KLHL1: variants seen among roughly 807,000 people sequenced by gnomAD.
The protein encoded by KLHL1 is kelch like family member 1.
A neutral mutation model predicts 77.7 loss-of-function variants in KLHL1; 47 were observed. The observed-to-expected ratio is 0.60, with a 90% CI of 0.48 to 0.77. The LOEUF is 0.77. KLHL1 is among the 30% of genes least tolerant of loss of function. The pLI is 0.00. For synonymous variants in KLHL1, 360 were observed against 325.2 expected (o/e 1.11, Z -1.15); for missense variants, 925 against 910.8 (o/e 1.02, Z -0.20).
chr13:69,882,397 A>C lies in KLHL1; in HGVS notation c.1113T>G (p.Asp371Glu), dbSNP rs1188889180. 6.2e-7 allele frequency: 1 copy of C among 1,613,498 alleles called. No individual in the cohort carries two copies. The highest frequency in any genetic ancestry group is 1.3e-5 in the African/African-American group (1 of 74,922). ...LLASDDVNVP[D>E]EETIFHALMM... Reference sequence around the variant, plus strand: ...TCAATGCATGGAAGATGGTTTCTTCATCAGGAACATTGACATCATCACTGG... The same window carrying C: ...TCAATGCATGGAAGATGGTTTCTTCCTCAGGAACATTGACATCATCACTGG... The change falls in exon 5 of 11, where the codon GAT (aspartate) becomes GAG (glutamate). Residue 371 changes from aspartate to glutamate, a missense_variant. Coordinates refer to ENST00000377844, the MANE Select transcript of KLHL1 (RefSeq NM_020866.3).
intron 6 of KLHL1, among the ~76,000 whole-genome samples, chr13:69,814,249 A>G (rs1024938816): frequency 6.6e-6 from 1 of 152,224 alleles, no homozygotes; most frequent in East Asian, 1.9e-4. Flanking sequence ...TTAACTCAAG[A>G]TGGACTAAAA....
intron 3 of KLHL1, among the ~76,000 whole-genome samples, chr13:69,950,204 G>T (rs60660711): frequency 6.6e-6 from 1 of 151,410 alleles, no homozygotes; most frequent in African/African-American, 2.4e-5. Flanking sequence ...GTCATTATTC[G>T]TTCTATTTCT....
chr13:69,796,858 T>C lies in KLHL1; in HGVS notation c.1519A>G (p.Lys507Glu). ...TCTCGACCTCCAATTACAAAGAGTT[T>C]GTCATCAATAACAGCCACACCAAAC... ...LQFGVAVIDD[K>E]LFVIGGRDGL... The change falls in exon 7 of 11, where the codon AAA becomes GAA. Residue 507 changes from lysine (K) to glutamate (E), a missense_variant. Coordinates refer to ENST00000377844, the MANE Select transcript of KLHL1 (RefSeq NM_020866.3). The C allele has an allele frequency of 6.2e-7, 1 of 1,614,164 alleles. No individual in the cohort carries two copies. Among genetic ancestry groups the C allele is most frequent in the Non-Finnish European group, 8.5e-7 (1 of 1,180,014 alleles).
Position 69,979,183 on chromosome 13 carries a change from T to A in KLHL1, c.498-3381A>T, listed in dbSNP as rs1010234994. Among the ~76,000 whole-genome samples, 271 of 146,936 alleles carry A rather than the reference T, an allele frequency of 1.8e-3. 1 individual carries two copies. Among genetic ancestry groups the A allele is most frequent in the African/African-American group, 6.7e-3 (262 of 38,996 alleles). ...ATAAGAGGCTCAAAAAAAAAATAAA[T>A]AAGTTCCAGTTCTCTCCTAGATTTT... On this transcript the variant is annotated intron_variant, in intron 1 of 10. Transcript: ENST00000377844.
chr13:69,748,578 G>A (rs189927023), intron 7 of KLHL1, among the ~76,000 whole-genome samples: 73 of 151,996 alleles, frequency 4.8e-4, no homozygotes, highest in Non-Finnish European at 7.8e-4. Context: ...AGATTTGGGT[G>A]GGGTCACAGA....
intron 1 of KLHL1, among the ~76,000 whole-genome samples, chr13:70,000,170 A>G (rs988055253): frequency 3.3e-5 from 5 of 151,996 alleles, no homozygotes; most frequent in African/African-American, 1.2e-4. Context: ...ATGAAATTAT[A>G]AAAAGGGAAA....
At chr13:69,870,677 A>T (rs972525710) in intron 5 of KLHL1, among the ~76,000 whole-genome samples, 5 of 152,004 alleles carry the variant, frequency 3.3e-5, no homozygotes, top group Non-Finnish European at 5.9e-5. Flanking sequence ...TGGTTATGCA[A>T]GCATCGGGTA....
chr13:70,053,269 G>C (rs1886672048), intron 1 of KLHL1, among the ~76,000 whole-genome samples: 1 of 152,012 alleles, frequency 6.6e-6, no homozygotes, highest in South Asian at 2.1e-4. Flanking sequence ...AAATATAACA[G>C]ATTTGAGGGA....
intron 6 of KLHL1, among the ~76,000 whole-genome samples, chr13:69,810,174 C>G (rs1021527108): frequency 1.3e-5 from 2 of 152,076 alleles, no homozygotes; most frequent in African/African-American, 4.8e-5. Context: ...TTAAATTCAG[C>G]ACTTGAACAA....
chr13:70,048,556 G>A (rs1202739662), intron 1 of KLHL1, among the ~76,000 whole-genome samples: 1 of 152,184 alleles, frequency 6.6e-6, no homozygotes, highest in African/African-American at 2.4e-5. Context: ...TTCGTGGAAA[G>A]CAATTTTTCC....
chr13:69,865,682 G>C (rs1880342267), intron 5 of KLHL1, among the ~76,000 whole-genome samples: 1 of 151,898 alleles, frequency 6.6e-6, no homozygotes, highest in South Asian at 2.1e-4. Flanking sequence ...ACATTTTAAA[G>C]GTGCATATTT....
At chr13:70,096,680 C>T (rs1251509432) in intron 1 of KLHL1, among the ~76,000 whole-genome samples, 1 of 150,492 alleles carries the variant, frequency 6.6e-6, no homozygotes, top group African/African-American at 2.4e-5. Context: ...CAATTTTTGA[C>T]TTTTCAAAAA....
chr13:69,791,048 AAC>A (rs200973987), intron 7 of KLHL1, among the ~76,000 whole-genome samples: 291 of 150,766 alleles, frequency 1.9e-3, no homozygotes, highest in African/African-American at 6.1e-3. Context: ...CTGTGGGGGA[AAC>A]ACACACACAC....
chr13:69,855,569 G>A (rs971259515), intron 5 of KLHL1, among the ~76,000 whole-genome samples: 2 of 151,662 alleles, frequency 1.3e-5, no homozygotes, highest in Non-Finnish European at 2.9e-5. Context: ...CGGTTTTTCT[G>A]CTCATGATAG....
In KLHL1 at chr13:69,777,934, A is replaced by G. The variant is rs144426167; in HGVS notation, c.1639+18804T>C. Among the ~76,000 whole-genome samples, 758 of 152,202 alleles carry G rather than the reference A, an allele frequency of 5.0e-3. 5 individuals are homozygous for G. Among genetic ancestry groups the G allele is most frequent in the African/African-American group, 0.017 (722 of 41,558 alleles). Reference sequence around the variant, plus strand: ...TGCAGGAATAACTTAACAAGTAAACATTCTTAGACAAATGTTCCTCATTTT... The same window carrying G: ...TGCAGGAATAACTTAACAAGTAAACGTTCTTAGACAAATGTTCCTCATTTT... On this transcript the variant is annotated intron_variant, in intron 7 of 10. Coordinates refer to ENST00000377844, the MANE Select transcript of KLHL1 (RefSeq NM_020866.3).
chr13:69,790,249 A>G (rs1167532754), intron 7 of KLHL1, among the ~76,000 whole-genome samples: 1 of 149,792 alleles, frequency 6.7e-6, no homozygotes, highest in Admixed American at 6.6e-5. Context: ...GCAAAAAAAT[A>G]TTAAACTCTG....
At chr13:70,046,490 A>G (rs1886498115) in intron 1 of KLHL1, among the ~76,000 whole-genome samples, 1 of 151,670 alleles carries the variant, frequency 6.6e-6, no homozygotes, top group Non-Finnish European at 1.5e-5. Flanking sequence ...GTTTTGTTTC[A>G]TTTTGTTTTG....
rs557331239 is a variant in KLHL1 at position 70,068,586 on chromosome 13, G to A, written c.497+38617C>T. On this transcript the variant is annotated intron_variant, in intron 1 of 10. Transcript: ENST00000377844. ...ATATTTCCAGTAATTTTATACAGTGGGTATGCACATGCTACAGTGTGTAAA... is the reference window on the plus strand; with the variant it reads ...ATATTTCCAGTAATTTTATACAGTGAGTATGCACATGCTACAGTGTGTAAA... Among the ~76,000 whole-genome samples the A allele has an allele frequency of 5.5e-4, 84 of 152,158 alleles. 1 individual carries two copies. Among genetic ancestry groups the A allele is most frequent in the Middle Eastern group, 6.8e-3 (2 of 294 alleles).
At chr13:70,011,628 A>G (rs1044139246) in intron 1 of KLHL1, among the ~76,000 whole-genome samples, 1 of 152,174 alleles carries the variant, frequency 6.6e-6, no homozygotes, top group Non-Finnish European at 1.5e-5. Context: ...TCTGAAAGTC[A>G]CTGTACTGAA....
Sources: allele counts gnomAD v4.1 joint callset (sites outside exome capture counted in the v4.1 genomes callset), GRCh38; gene constraint gnomAD v4.1.1; transcripts MANE v1.5; gene names NCBI Gene and HGNC (gene_info 2026-07-23, HGNC 2026-07-21).